SLC67A1: variants seen among roughly 807,000 people sequenced by gnomAD.
SLC67A1 encodes the protein solute carrier family 67 member A1.
the SLC67A1 span, chr11:2,922,434 A>G: frequency 6.2e-7 from 1 of 1,610,384 alleles, no homozygotes; most frequent in Non-Finnish European, 8.5e-7. Context: ...CTGCCGTCCC[A>G]GGCCTGGATG....
the SLC67A1 span, chr11:2,919,981 A>T: frequency 6.6e-6 from 1 of 152,154 alleles, no homozygotes; most frequent in African/African-American, 2.4e-5. Context: ...GGGGCGAGAC[A>T]CCTCCACCAC....
At chr11:2,908,495 C>G in the SLC67A1 span, among the ~76,000 whole-genome samples, 1 of 152,230 alleles carries the variant, frequency 6.6e-6, no homozygotes, top group East Asian at 1.9e-4. Flanking sequence ...ACTTTGGCCC[C>G]TGGTAGGCTC....
chr11:2,906,814 T>C, the SLC67A1 span, among the ~76,000 whole-genome samples: 16 of 151,060 alleles, frequency 1.1e-4, 1 homozygote, highest in East Asian at 3.1e-3. Context: ...TGTATACATA[T>C]GTAACAAACC....
the SLC67A1 span, chr11:2,919,386 C>T: frequency 6.2e-7 from 1 of 1,613,678 alleles, no homozygotes; most frequent in Non-Finnish European, 8.5e-7. Context: ...ACCTCATGTC[C>T]TTCTTCGGGC....
chr11:2,900,771 C>T, the SLC67A1 span, among the ~76,000 whole-genome samples: 1 of 150,464 alleles, frequency 6.6e-6, no homozygotes, highest in Non-Finnish European at 1.5e-5. Context: ...GTATGGACAT[C>T]CATGCGGGAA....
At chr11:2,899,713 C>G in the SLC67A1 span, 1 of 1,461,214 alleles carries the variant, frequency 6.8e-7, no homozygotes, top group Non-Finnish European at 9.0e-7. Flanking sequence ...CACACTGAGC[C>G]TGTTCATGAC....
the SLC67A1 span, among the ~76,000 whole-genome samples, chr11:2,913,204 A>C: frequency 6.6e-6 from 1 of 152,188 alleles, no homozygotes; most frequent in Non-Finnish European, 1.5e-5. Context: ...CCCCCCAGCC[A>C]GGTGACTCAG....
the SLC67A1 span, among the ~76,000 whole-genome samples, chr11:2,911,057 C>T: frequency 6.6e-6 from 1 of 152,088 alleles, no homozygotes. Context: ...GGTCAGGGAC[C>T]CGTGCCTCTA....
At chr11:2,914,725 G>A in the SLC67A1 span, 2 of 985,440 alleles carry the variant, frequency 2.0e-6, no homozygotes, top group African/African-American at 1.7e-5. Flanking sequence ...TCGAAGTGGT[G>A]CGTCTGCTCC....
At chr11:2,905,137 G>A in the SLC67A1 span, among the ~76,000 whole-genome samples, 7 of 152,214 alleles carry the variant, frequency 4.6e-5, no homozygotes, top group Admixed American at 4.6e-4. Context: ...GAGCCGAAGG[G>A]AGCTGGACAC....
chr11:2,924,047 G>C, the SLC67A1 span, among the ~76,000 whole-genome samples: 2 of 152,200 alleles, frequency 1.3e-5, no homozygotes, highest in South Asian at 2.1e-4. This position sits in a 1 kb window ranked among gnomAD's most constrained non-coding sequence, Gnocchi z 8.6. Context: ...CTCTGGGCAC[G>C]GGACCAGAGG....
the SLC67A1 span, chr11:2,914,624 GC>G: frequency 1.2e-6 from 1 of 821,492 alleles, no homozygotes; most frequent in Non-Finnish European, 1.5e-6. Flanking sequence ...GTTGCCCACA[GC>G]AGCACAGGCC....
chr11:2,922,561 G>A, the SLC67A1 span: 1 of 1,611,386 alleles, frequency 6.2e-7, no homozygotes, highest in South Asian at 1.1e-5. Context: ...ACACAGGTGA[G>A]TGTGGCCAGC....
the SLC67A1 span, chr11:2,914,921 G>A: frequency 1.0e-6 from 1 of 985,452 alleles, no homozygotes; most frequent in Non-Finnish European, 1.2e-6. Flanking sequence ...GGAGGGACAA[G>A]CTGTGGCGCC....
the SLC67A1 span, among the ~76,000 whole-genome samples, chr11:2,908,789 C>G: frequency 6.6e-6 from 1 of 152,196 alleles, no homozygotes; most frequent in Non-Finnish European, 1.5e-5. Flanking sequence ...AAGGGTTCCG[C>G]AGGCAGCAGA....
At chr11:2,918,131 CCTGGCAGAGT>C in the SLC67A1 span, 1 of 1,542,414 alleles carries the variant, frequency 6.5e-7, no homozygotes, top group Non-Finnish European at 8.9e-7. Context: ...GCGGCCAGAG[CCTGGCAGAGT>C]CCCAGCTGCG....
the SLC67A1 span, chr11:2,922,020 C>T: frequency 9.3e-7 from 1 of 1,074,188 alleles, no homozygotes; most frequent in Non-Finnish European, 1.4e-6. Context: ...TGGAGGTCCC[C>T]AGCTTTGGGG....
At chr11:2,903,358 C>T in the SLC67A1 span, 1 of 1,612,746 alleles carries the variant, frequency 6.2e-7, no homozygotes, top group Non-Finnish European at 8.5e-7. Flanking sequence ...GCAGGGAGCT[C>T]GGGCTCCCAG....
the SLC67A1 span, among the ~76,000 whole-genome samples, chr11:2,915,616 G>A: frequency 0.44 from 66,928 of 152,164 alleles, 15,195 homozygotes; most frequent in Non-Finnish European, 0.49. Context: ...CTGGTAAAGC[G>A]AGTCCTTCTC....
Sources: gnomAD v4.1 joint callset for allele counts (sites outside exome capture counted in the v4.1 genomes callset) on GRCh38, gnomAD v4.1.1 for gene constraint, Gnocchi (gnomAD v3.1) non-coding constraint, MANE v1.5 for transcripts, NCBI Gene and HGNC (gene_info 2026-07-23, HGNC 2026-07-21) for gene names.